Variants in ATG7 observed in about 807,000 individuals in gnomAD.
The protein encoded by ATG7 is autophagy related 7.
ATG7 carries 70 observed loss-of-function variants against 82.4 expected under a neutral mutation model. The ratio of observed to expected loss-of-function variants is 0.85; its 90% confidence interval spans 0.70 to 1.04. The LOEUF (loss-of-function observed/expected upper bound fraction) is 1.04, where lower values mean the gene tolerates loss of function less well. Among genes scored for constraint, ATG7 ranks in the 50% least tolerant of loss-of-function variants. ATG7 has a pLI of 0.00. For synonymous variants in ATG7, 287 were observed against 313.0 expected (o/e 0.92, Z 0.88); for missense variants, 792 against 864.3 (o/e 0.92, Z 1.05).
At chr3:11,280,057 T>C (rs550255096) in intron 1 of ATG7, among the ~76,000 whole-genome samples, 10 of 152,120 alleles carry the variant, frequency 6.6e-5, no homozygotes, top group Admixed American at 5.9e-4. Flanking sequence ...CTTTTCTTTT[T>C]TTTTTTTGAG....
chr3:11,384,215 C>T (rs1423837249), intron 19 of ATG7, among the ~76,000 whole-genome samples: 2 of 152,208 alleles, frequency 1.3e-5, no homozygotes, highest in Admixed American at 1.3e-4. Context: ...GAGGAGACTG[C>T]GTGCAGAGTA....
intron 20 of ATG7, among the ~76,000 whole-genome samples, chr3:11,461,809 G>A (rs886297204): frequency 2.0e-5 from 3 of 151,968 alleles, no homozygotes; most frequent in African/African-American, 7.2e-5. Flanking sequence ...GGCGGATCAC[G>A]AGGTCAGGAG....
chr3:11,572,309 G>T, the ATG7 span, among the ~76,000 whole-genome samples: 1 of 152,150 alleles, frequency 6.6e-6, no homozygotes, highest in Non-Finnish European at 1.5e-5. Flanking sequence ...ACTTTTCTAA[G>T]TTTACAAAAC....
chr3:11,512,522 CTT>C (rs1377181881), intron 20 of ATG7, among the ~76,000 whole-genome samples: 1 of 152,186 alleles, frequency 6.6e-6, no homozygotes, highest in African/African-American at 2.4e-5. Flanking sequence ...TTGGTGGGTT[CTT>C]GGTCTCACTG....
chr3:11,444,864 C>G (rs976485758), intron 20 of ATG7, among the ~76,000 whole-genome samples: 1 of 90,858 alleles, frequency 1.1e-5, no homozygotes, highest in African/African-American at 4.0e-5. Context: ...GACAAATTTA[C>G]AAGGAAAAAA....
rs569129816 is a variant in ATG7 at position 11,362,986 on chromosome 3, T to C, written c.1799+58T>C. ...CAAAGCTTTTGTAGGCAGTTGTTCA[T>C]CAGTGTCTCCCATGGCCTTTTCTCA... On this transcript the variant is annotated intron_variant, in intron 17 of 20. Coordinates refer to ENST00000693202, the MANE Select transcript of ATG7 (RefSeq NM_001349232.2). 8.0e-5 allele frequency: 115 copies of C among 1,444,522 alleles called. No individual in the cohort carries two copies. The African/African-American group carries it at 1.5e-3, about 19-fold the overall frequency. 89.5% of individuals were successfully genotyped at this position (1,444,522 alleles called of 1,614,324 possible).
At chr3:11,364,763 T>C (rs2076489220) in intron 18 of ATG7, 29 bp downstream of exon 18, 1 of 1,611,108 alleles carries the variant, frequency 6.2e-7, no homozygotes, top group Non-Finnish European at 8.5e-7. Context: ...AAATCACAAT[T>C]CTTTTGGTAC....
At chr3:11,302,561 T>A (rs970497423) in intron 5 of ATG7, among the ~76,000 whole-genome samples, 7 of 152,190 alleles carry the variant, frequency 4.6e-5, no homozygotes, top group African/African-American at 1.7e-4. Flanking sequence ...TCCTCTACTG[T>A]ATGAGAGAGA....
At chr3:11,538,326 C>T (rs1403688333) in intron 20 of ATG7, among the ~76,000 whole-genome samples, 1 of 152,134 alleles carries the variant, frequency 6.6e-6, no homozygotes, top group Non-Finnish European at 1.5e-5. Context: ...GGATAGCTCT[C>T]TTGGCAAAAC....
chr3:11,573,332 AAAGAAAGAAAGAAAGAAAGAAAGAAAG>A, the ATG7 span, among the ~76,000 whole-genome samples: 1 of 61,488 alleles, frequency 1.6e-5, no homozygotes, highest in East Asian at 5.7e-4. Flanking sequence ...AGAAAGAAAG[AAAGAAAGAAAGAAAGAAAGAAAGAAAG>A]AAAGAAAGAA....
rs2072365625 is a variant in ATG7, at chr3:11,555,984, A to AGCTTCATGGGGACACAGCC, written c.*1143_*1161dup. 6.6e-6 allele frequency: 1 copy of AGCTTCATGGGGACACAGCC among 152,596 alleles called. No individual in the cohort carries two copies. The highest frequency in any genetic ancestry group is 1.5e-5 in the Non-Finnish European group (1 of 68,030). 9.5% of individuals were successfully genotyped at this position (152,596 alleles called of 1,614,324 possible). On this transcript the variant is annotated 3_prime_UTR_variant, in exon 21 of 21. Coordinates refer to ENST00000693202, the MANE Select transcript of ATG7 (RefSeq NM_001349232.2). ...CAGTGGCTGTCGTTCAGCTCATGGG[A>AGCTTCATGGGGACACAGCC]GCTTCATGGGGACACAGCCGGCACA...
chr3:11,354,231 A>G (rs763236990), intron 14 of ATG7, among the ~76,000 whole-genome samples: 2 of 151,702 alleles, frequency 1.3e-5, no homozygotes, highest in Non-Finnish European at 1.5e-5. Context: ...TAAAAAAGCT[A>G]TGATAAAATT....
intron 20 of ATG7, among the ~76,000 whole-genome samples, chr3:11,449,923 G>T (rs2084942271): frequency 6.6e-6 from 1 of 152,234 alleles, no homozygotes; most frequent in Non-Finnish European, 1.5e-5. Context: ...CCCTGGAGTT[G>T]AAGTAAATTC....
At chr3:11,414,751 T>C (rs932264850) in intron 19 of ATG7, among the ~76,000 whole-genome samples, 3 of 152,220 alleles carry the variant, frequency 2.0e-5, no homozygotes, top group African/African-American at 7.2e-5. Context: ...CCTAGTTTAC[T>C]GAGAGTTTTT....
intron 20 of ATG7, among the ~76,000 whole-genome samples, chr3:11,505,722 G>A (rs1243629920): frequency 6.6e-6 from 1 of 152,058 alleles, no homozygotes; most frequent in Non-Finnish European, 1.5e-5. Flanking sequence ...TAAACCCTAG[G>A]GCCAAAAAAA....
intron 19 of ATG7, among the ~76,000 whole-genome samples, chr3:11,392,422 G>A (rs573575197): frequency 6.6e-5 from 10 of 151,272 alleles, no homozygotes; most frequent in African/African-American, 2.2e-4. Context: ...ATCATTTTGA[G>A]TAGAATACAG....
chr3:11,453,209 G>A (rs2152988240), intron 20 of ATG7, among the ~76,000 whole-genome samples: 1 of 152,334 alleles, frequency 6.6e-6, no homozygotes. Context: ...CAGACGGGGG[G>A]CGTGGGCCTT....
chr3:11,530,980 C>A (rs770358718), intron 20 of ATG7, among the ~76,000 whole-genome samples: 1 of 152,036 alleles, frequency 6.6e-6, no homozygotes, highest in Non-Finnish European at 1.5e-5. Context: ...TACTCTATCT[C>A]GGAAAATAAT....
At chr3:11,575,182 A>G in the ATG7 span, among the ~76,000 whole-genome samples, 1 of 152,270 alleles carries the variant, frequency 6.6e-6, no homozygotes, top group African/African-American at 2.4e-5. Flanking sequence ...CCTGCTGCCA[A>G]TGCCCGGAGG....
Sources: gnomAD v4.1 joint callset for allele counts (sites outside exome capture counted in the v4.1 genomes callset) on GRCh38, gnomAD v4.1.1 for gene constraint, MANE v1.5 for transcripts, NCBI Gene and HGNC (gene_info 2026-07-23, HGNC 2026-07-21) for gene names.